MAP4K3: variants seen among roughly 807,000 people sequenced by gnomAD.
MAP4K3 encodes the protein MAPK/ERK kinase kinase kinase 3.
MAP4K3 carries 94 observed loss-of-function variants against 143.5 expected under a neutral mutation model. That is an observed-to-expected ratio of 0.65 (90% CI 0.55 to 0.78). The LOEUF is 0.78. Among genes scored for constraint, MAP4K3 ranks in the 30% least tolerant of loss-of-function variants. The probability of loss-of-function intolerance (pLI) is 0.00; values close to 1 mark genes in which losing one functional copy is unlikely to be tolerated. For missense variants in MAP4K3, 1,077 were observed against 1,068.1 expected (o/e 1.01, Z -0.12); for synonymous variants, 416 against 347.2 (o/e 1.20, Z -2.20).
Position 39,426,604 on chromosome 2 carries a change from T to C in MAP4K3, c.96+10288A>G, listed in dbSNP as rs574021491. Among the ~76,000 whole-genome samples the C allele has an allele frequency of 3.9e-5, 6 of 152,184 alleles. No homozygotes were observed. In the South Asian group the frequency reaches 1.0e-3, roughly 26 times the overall value. The stretch of plus-strand genomic sequence containing the variant: ...AATATGTATATATACAGAGAATAAA[T>C]GTGGTAAAGTATTAGCCATCGGTGA... On this transcript the variant is annotated intron_variant, in intron 1 of 33. Coordinates refer to ENST00000263881, the MANE Select transcript of MAP4K3 (RefSeq NM_003618.4).
intron 1 of MAP4K3, among the ~76,000 whole-genome samples, chr2:39,404,674 T>G (rs1167063674): frequency 7.2e-6 from 1 of 139,858 alleles, no homozygotes; most frequent in Non-Finnish European, 1.5e-5. Context: ...CAGGCTGGAG[T>G]GCAACGGCAC....
At chr2:39,408,619 G>T (rs1307640355) in intron 1 of MAP4K3, among the ~76,000 whole-genome samples, 1 of 132,844 alleles carries the variant, frequency 7.5e-6, no homozygotes, top group African/African-American at 2.8e-5. Context: ...AGGAAATCAT[G>T]AAAGAGATTG....
chr2:39,291,127 G>A (rs1057011394), intron 18 of MAP4K3, among the ~76,000 whole-genome samples: 4 of 152,070 alleles, frequency 2.6e-5, no homozygotes, highest in African/African-American at 7.2e-5. Context: ...TTAGAAGGAG[G>A]ATATTGAATG....
In MAP4K3 at chr2:39,312,101, T is replaced by C. The variant is rs1330800433; in HGVS notation, c.998-2582A>G. Among the ~76,000 whole-genome samples, 11 of 152,306 alleles carry C rather than the reference T, an allele frequency of 7.2e-5. 1 individual carries two copies. The South Asian group carries it at 1.9e-3, about 26-fold the overall frequency. On this transcript the variant is annotated intron_variant, in intron 13 of 33. Coordinates refer to ENST00000263881, the MANE Select transcript of MAP4K3 (RefSeq NM_003618.4). ...GAGTTGATTTAAAAAATGTTTACTG[T>C]TTTAAGCTGCTAAATTTTGGGTTTG...
At chr2:39,263,406 G>A (rs1416778458) in intron 28 of MAP4K3, among the ~76,000 whole-genome samples, 2 of 149,722 alleles carry the variant, frequency 1.3e-5, no homozygotes, top group Non-Finnish European at 3.0e-5. Flanking sequence ...CCGAGTAGCT[G>A]GGACTACAGG....
intron 1 of MAP4K3, among the ~76,000 whole-genome samples, chr2:39,392,871 T>A (rs1001532381): frequency 6.6e-6 from 1 of 152,180 alleles, no homozygotes; most frequent in Non-Finnish European, 1.5e-5. Flanking sequence ...CTGGATGCCA[T>A]CGCCATGCTC....
intron 19 of MAP4K3, 110 bp downstream of exon 19, chr2:39,290,182 T>C: frequency 1.4e-6 from 1 of 723,782 alleles, no homozygotes. Flanking sequence ...ATCAACTTCA[T>C]GATTTTTCTT....
At chr2:39,251,270 C>A (rs1680147201) in intron 33 of MAP4K3, among the ~76,000 whole-genome samples, 3 of 152,158 alleles carry the variant, frequency 2.0e-5, no homozygotes, top group Admixed American at 2.0e-4. Context: ...AAAGAGCAGT[C>A]CTGCCCGCAT....
intron 1 of MAP4K3, among the ~76,000 whole-genome samples, chr2:39,385,264 T>C (rs1259539658): frequency 6.6e-6 from 1 of 152,096 alleles, no homozygotes; most frequent in Admixed American, 6.6e-5. Context: ...ATTGCCCAAC[T>C]TTCCAGAGTG....
In MAP4K3 at chr2:39,356,282, G is replaced by C; in HGVS notation, c.212C>G (p.Pro71Arg). Residue 71 changes from proline (P) to arginine (R), a missense_variant, in exon 3 of 34, where the codon CCA becomes CGA. Coordinates refer to ENST00000263881, the MANE Select transcript of MAP4K3 (RefSeq NM_003618.4). The stretch of plus-strand genomic sequence containing the variant: ...GCTTCCAAAATAAGCAACAATATTT[G>C]GGTGTTTACAGTCTTTCATCATAAT... ...EIIMMKDCKHPNIVAYFGSYL... is the reference protein window; with the variant it reads ...EIIMMKDCKHRNIVAYFGSYL... 3 of 1,601,522 alleles carry C rather than the reference G, an allele frequency of 1.9e-6. No individual in the cohort carries two copies. The highest frequency in any genetic ancestry group is 2.6e-6 in the Non-Finnish European group (3 of 1,174,180).
At chr2:39,266,811 C>T (rs150617903) in intron 27 of MAP4K3, among the ~76,000 whole-genome samples, 158 of 151,834 alleles carry the variant, frequency 1.0e-3, no homozygotes, top group African/African-American at 3.7e-3. Flanking sequence ...AAAATACATG[C>T]TGAAGGAATA....
At chr2:39,301,389 A>G (rs1682504171) in intron 15 of MAP4K3, among the ~76,000 whole-genome samples, 1 of 152,264 alleles carries the variant, frequency 6.6e-6, no homozygotes, top group South Asian at 2.1e-4. Context: ...AAAACTGCAC[A>G]GTTTAAGTGG....
chr2:39,310,624 T>A (rs528071754), intron 13 of MAP4K3, among the ~76,000 whole-genome samples: 1 of 152,340 alleles, frequency 6.6e-6, no homozygotes, highest in African/African-American at 2.4e-5. Flanking sequence ...TTCTGAATCA[T>A]ATGGTAGTTC....
intron 29 of MAP4K3, among the ~76,000 whole-genome samples, chr2:39,259,894 T>C (rs1200340763): frequency 7.2e-5 from 11 of 152,330 alleles, no homozygotes; most frequent in Admixed American, 3.9e-4. Flanking sequence ...TCAAGAGACA[T>C]TGTTATTTAA....
chr2:39,330,122 C>G (rs1202686700), intron 8 of MAP4K3, among the ~76,000 whole-genome samples: 3 of 152,070 alleles, frequency 2.0e-5, no homozygotes, highest in Non-Finnish European at 4.4e-5. Context: ...CACAAGAGTA[C>G]TTCCCAAAAC....
intron 1 of MAP4K3, among the ~76,000 whole-genome samples, chr2:39,410,698 T>C (rs1382694910): frequency 1.3e-5 from 2 of 152,314 alleles, no homozygotes; most frequent in South Asian, 2.1e-4. Flanking sequence ...ACTAGTACTT[T>C]TCATAATATG....
At chr2:39,365,062 G>C (rs1187218951) in intron 2 of MAP4K3, among the ~76,000 whole-genome samples, 1 of 152,164 alleles carries the variant, frequency 6.6e-6, no homozygotes, top group Non-Finnish European at 1.5e-5. Context: ...CCCCACAAGA[G>C]ACGGCTTTGC....
chr2:39,285,158 C>T (rs1231012902), intron 21 of MAP4K3, among the ~76,000 whole-genome samples: 5 of 152,110 alleles, frequency 3.3e-5, no homozygotes, highest in Non-Finnish European at 7.3e-5. Context: ...ACTGAAAGCA[C>T]TGGGATTACA....
chr2:39,364,058 G>A (rs1665849614), intron 2 of MAP4K3, among the ~76,000 whole-genome samples: 1 of 150,434 alleles, frequency 6.6e-6, no homozygotes, highest in Non-Finnish European at 1.5e-5. Context: ...CCCGTCCACT[G>A]TTGATGGGAA....
Sources: gnomAD v4.1 joint callset for allele counts (sites outside exome capture counted in the v4.1 genomes callset) on GRCh38, gnomAD v4.1.1 for gene constraint, MANE v1.5 for transcripts, NCBI Gene and HGNC (gene_info 2026-07-23, HGNC 2026-07-21) for gene names.